DCTN4: variants seen among roughly 807,000 people sequenced by gnomAD.
DCTN4 encodes dynactin 4 (p62).
DCTN4 carries 23 observed loss-of-function variants against 62.7 expected under a neutral mutation model. That is an observed-to-expected ratio of 0.37 (90% confidence interval 0.26 to 0.52). The LOEUF (loss-of-function observed/expected upper bound fraction) is 0.52, where lower values mean the gene tolerates loss of function less well. Among genes scored for constraint, DCTN4 ranks in the 20% least tolerant of loss-of-function variants. The probability of loss-of-function intolerance (pLI) is 0.92; values close to 1 mark genes in which losing one functional copy is unlikely to be tolerated. For missense variants in DCTN4, 514 were observed against 580.4 expected, an observed-to-expected ratio of 0.89 and a Z score of 1.18; for synonymous variants, 199 against 202.1, an observed-to-expected ratio of 0.98 and a Z score of 0.13.
At chr5:150,756,227 G>C (rs1752856833) in intron 2 of DCTN4, among the ~76,000 whole-genome samples, 190 bp downstream of exon 2, 1 of 152,022 alleles carries the variant, frequency 6.6e-6, no homozygotes, top group Admixed American at 6.6e-5. Context: ...ATTTTTAGTA[G>C]AGATGGGGTT....
intron 9 of DCTN4, 128 bp downstream of exon 9, chr5:150,722,779 T>C (rs1759999064): frequency 6.3e-6 from 4 of 632,652 alleles, no homozygotes; most frequent in Non-Finnish European, 1.1e-5. Context: ...AGGAACAGAA[T>C]GTCAAGATTA....
rs7731017 is a variant in DCTN4 at position 150,732,056 on chromosome 5, T to C, written c.538-567A>G. ...TTCTACCTCTAAATATAACACACAT[T>C]GGTGCATATGCTGACTATACCACTG... On this transcript the variant is annotated intron_variant, in intron 5 of 12. Coordinates refer to ENST00000447998, the MANE Select transcript of DCTN4 (RefSeq NM_016221.4). 6,943 of 736,686 alleles carry C rather than the reference T, an allele frequency of 9.4e-3. 49 individuals are homozygous for C. Among genetic ancestry groups the C allele is most frequent in the Non-Finnish European group, 0.012 (5,010 of 419,440 alleles). The allele number at this position is 736,686 out of a possible 1,614,324, so 45.6% of individuals were successfully genotyped here. A position where few individuals can be genotyped will look rare whatever the true frequency, so the allele number is the denominator to read the frequency against.
At chr5:150,753,971 T>TC (rs1233264688) in intron 2 of DCTN4, among the ~76,000 whole-genome samples, 2 of 152,178 alleles carry the variant, frequency 1.3e-5, no homozygotes, top group Non-Finnish European at 2.9e-5. Context: ...AAGAGAACTG[T>TC]CACAGCTTAT....
intron 5 of DCTN4, among the ~76,000 whole-genome samples, chr5:150,732,864 G>A (rs920931729): frequency 6.6e-6 from 1 of 152,130 alleles, no homozygotes. Flanking sequence ...AATTCTACTT[G>A]CATATATTAC....
intron 11 of DCTN4, among the ~76,000 whole-genome samples, chr5:150,716,039 G>C (rs911935313): frequency 2.8e-4 from 42 of 152,228 alleles, no homozygotes; most frequent in African/African-American, 1.0e-3. Context: ...TGAGTAGCTA[G>C]GACTACAGGT....
chr5:150,738,845 G>A (rs1050994216), intron 4 of DCTN4, among the ~76,000 whole-genome samples: 2 of 152,112 alleles, frequency 1.3e-5, no homozygotes, highest in East Asian at 3.8e-4. Context: ...TGATATGATC[G>A]TATGCCTAGA....
chr5:150,727,381 A>G (rs1760183863), intron 8 of DCTN4, among the ~76,000 whole-genome samples: 1 of 152,224 alleles, frequency 6.6e-6, no homozygotes, highest in Non-Finnish European at 1.5e-5. Flanking sequence ...TAATATATGT[A>G]TATAAACCAC....
intron 11 of DCTN4, among the ~76,000 whole-genome samples, chr5:150,715,894 A>G (rs930127250): frequency 7.2e-5 from 11 of 151,740 alleles, no homozygotes; most frequent in Non-Finnish European, 1.5e-4. Context: ...TTGTGTCTTT[A>G]ATGTTTTATT....
intron 8 of DCTN4, among the ~76,000 whole-genome samples, chr5:150,725,641 T>C (rs1760116869): frequency 6.6e-6 from 1 of 152,220 alleles, no homozygotes; most frequent in South Asian, 2.1e-4. Flanking sequence ...ACTGTATAGC[T>C]AAGCACAGCC....
chr5:150,735,905 TAAGGGAA>T, intron 4 of DCTN4, among the ~76,000 whole-genome samples: 1 of 132,640 alleles, frequency 7.5e-6, no homozygotes, highest in South Asian at 2.3e-4. Context: ...AAAACCAACT[TAAGGGAA>T]TTAAAAAAAA....
chr5:150,746,697 A>G (rs1485408423), intron 3 of DCTN4, among the ~76,000 whole-genome samples: 1 of 152,256 alleles, frequency 6.6e-6, no homozygotes, highest in Non-Finnish European at 1.5e-5. Context: ...CCACATGATT[A>G]TCTCAATAGA....
At position 150,749,638 on chromosome 5, in the gene DCTN4, A is replaced by G. The variant is rs1016616587; in HGVS notation, c.385+3841T>C. On this transcript the variant is annotated intron_variant, in intron 3 of 12. Transcript: ENST00000447998. Reference sequence around the variant, plus strand: ...GGAGACCAGCCTGGGTAACATGGAGAAACCCCATCTCTACTTTAAAAAATA... The same window carrying G: ...GGAGACCAGCCTGGGTAACATGGAGGAACCCCATCTCTACTTTAAAAAATA... 2.6e-5 allele frequency among the ~76,000 whole-genome samples: 4 copies of G among 151,614 alleles called. No homozygotes were observed. The East Asian group carries it at 7.7e-4, about 29-fold the overall frequency.
chr5:150,715,543 G>A, intron 12 of DCTN4, 22 bp downstream of exon 12: 2 of 1,596,986 alleles, frequency 1.3e-6, no homozygotes, highest in Non-Finnish European at 1.7e-6. Flanking sequence ...TGTTGTATGG[G>A]GATCACAAAA....
At position 150,753,543 on chromosome 5, in the gene DCTN4, A is replaced by G. The variant is rs1377265188; in HGVS notation, c.321T>C (p.Tyr107=). The change falls in exon 3 of 13, where the codon TAT becomes TAC. Residue 107 remains tyrosine, a synonymous_variant. Coordinates refer to ENST00000447998, the MANE Select transcript of DCTN4 (RefSeq NM_016221.4). ...AGCGACAAAATCCACATGCCAGGTAATAGGCTTTCTTCATGGTGGTCTTGG... is the reference window on the plus strand; with the variant it reads ...AGCGACAAAATCCACATGCCAGGTAGTAGGCTTTCTTCATGGTGGTCTTGG... ...DPAKTTMKKA[Y]YLACGFCRWT... is the part of the protein sequence containing the mutation. 6.2e-7 allele frequency: 1 copy of G among 1,614,072 alleles called. No individual in the cohort carries two copies. Among genetic ancestry groups the G allele is most frequent in the African/African-American group, 1.3e-5 (1 of 74,914 alleles).
At position 150,730,722 on chromosome 5, in the gene DCTN4, C is replaced by T. The variant is rs141504862; in HGVS notation, c.743G>A (p.Arg248His). The T allele has an allele frequency of 1.6e-5, 26 of 1,614,000 alleles. No homozygotes were observed. Among genetic ancestry groups the T allele is most frequent in the South Asian group, 3.3e-5 (3 of 91,052 alleles). The change falls in exon 8 of 13, where the codon CGT (arginine) becomes CAT (histidine). Residue 248 changes from arginine to histidine, a missense_variant. Arg to His is a conservative substitution (Grantham distance 29, BLOSUM62 0). Coordinates refer to ENST00000447998, the MANE Select transcript of DCTN4 (RefSeq NM_016221.4). ...NLTEVTTLQQ[R>H]LLQPDFQPVC... ...TGGCTGGAAGTCAGGCTGTAACAGA[C>T]GCTGCTGAAGGGTTGTTACTAGAAA...
intron 12 of DCTN4, among the ~76,000 whole-genome samples, chr5:150,715,139 A>G (rs923174569): frequency 3.3e-5 from 5 of 150,912 alleles, no homozygotes; most frequent in African/African-American, 1.2e-4. Flanking sequence ...TGAGAGAGTA[A>G]AATCTATTAA....
chr5:150,736,476 T>A (rs1185035868), intron 4 of DCTN4, among the ~76,000 whole-genome samples: 1 of 152,198 alleles, frequency 6.6e-6, no homozygotes, highest in Non-Finnish European at 1.5e-5. Context: ...AACAAAACAA[T>A]TATCAACCAA....
chr5:150,716,236 A>G (rs1013942252), intron 11 of DCTN4, among the ~76,000 whole-genome samples: 3 of 152,170 alleles, frequency 2.0e-5, no homozygotes, highest in African/African-American at 7.2e-5. Context: ...GATGGGGAGA[A>G]ATGGGTACTT....
intron 3 of DCTN4, among the ~76,000 whole-genome samples, chr5:150,748,847 T>TATATACCTAATGC (rs1752561413): frequency 6.9e-6 from 1 of 145,088 alleles, no homozygotes; most frequent in African/African-American, 2.5e-5. Context: ...AAATGACGAG[T>TATATACCTAATGC]TAATGGGTGC....
Sources: gnomAD v4.1 joint callset for allele counts (sites outside exome capture counted in the v4.1 genomes callset) on GRCh38, gnomAD v4.1.1 for gene constraint, MANE v1.5 for transcripts, NCBI Gene and HGNC (gene_info 2026-07-23, HGNC 2026-07-21) for gene names.